MBNL2: variants seen among roughly 807,000 people sequenced by gnomAD.
MBNL2 encodes the protein muscleblind like splicing regulator 2.
A neutral mutation model predicts 41.9 loss-of-function variants in MBNL2; 17 were observed. The observed-to-expected ratio is 0.41, with a 90% CI of 0.28 to 0.61. The LOEUF (loss-of-function observed/expected upper bound fraction) is 0.61, where lower values mean the gene tolerates loss of function less well. Among genes scored for constraint, MBNL2 ranks in the 20% least tolerant of loss-of-function variants. The pLI is 0.35. For missense variants in MBNL2, 336 were observed against 505.6 expected (o/e 0.66, Z 3.22); for synonymous variants, 195 against 182.9 (o/e 1.07, Z -0.53).
At chr13:97,353,708 T>C (rs1339045112) in intron 5 of MBNL2, among the ~76,000 whole-genome samples, 3 of 152,210 alleles carry the variant, frequency 2.0e-5, no homozygotes, top group Non-Finnish European at 2.9e-5. Context: ...AGAACTTTTC[T>C]TTGGTAGTGT....
At chr13:97,182,165 G>T in the MBNL2 span, among the ~76,000 whole-genome samples, 6 of 152,310 alleles carry the variant, frequency 3.9e-5, no homozygotes, top group East Asian at 7.7e-4. Flanking sequence ...GAAGGCATAT[G>T]GATGGAACCC....
chr13:97,192,976 C>T, the MBNL2 span, among the ~76,000 whole-genome samples: 261 of 152,294 alleles, frequency 1.7e-3, no homozygotes, highest in African/African-American at 4.8e-3. Context: ...AAGAGAGACC[C>T]GGCAGCTATT....
intron 7 of MBNL2, 21 bp downstream of exon 7, chr13:97,357,656 A>G (rs755251878): frequency 6.2e-7 from 1 of 1,611,340 alleles, no homozygotes; most frequent in East Asian, 2.2e-5. Flanking sequence ...TTACTGCCCT[A>G]CGTCCTGTGC....
chr13:97,253,708 A>G (rs1414259978), intron 1 of MBNL2, among the ~76,000 whole-genome samples: 1 of 152,146 alleles, frequency 6.6e-6, no homozygotes, highest in Non-Finnish European at 1.5e-5. Context: ...TTTGTAAAAT[A>G]GCAATACACA....
chr13:97,154,845 AAG>A, the MBNL2 span, among the ~76,000 whole-genome samples: 1 of 146,086 alleles, frequency 6.8e-6, no homozygotes, highest in Non-Finnish European at 1.5e-5. Flanking sequence ...ATGGATAGAC[AAG>A]CTGATTCAAC....
intron 5 of MBNL2, among the ~76,000 whole-genome samples, chr13:97,347,574 A>C (rs1444520834): frequency 6.6e-6 from 1 of 152,196 alleles, no homozygotes; most frequent in East Asian, 1.9e-4. Flanking sequence ...TTACAAGGGC[A>C]ATGCTGGTCA....
chr13:97,144,095 C>T, the MBNL2 span, among the ~76,000 whole-genome samples: 3 of 152,184 alleles, frequency 2.0e-5, no homozygotes, highest in African/African-American at 4.8e-5. Context: ...CTGCCTTCCT[C>T]GGCCTCCCAA....
chr13:97,265,470 A>G (rs908808106), intron 1 of MBNL2, among the ~76,000 whole-genome samples: 4 of 152,302 alleles, frequency 2.6e-5, no homozygotes, highest in African/African-American at 9.6e-5. Context: ...AGAAAGAATG[A>G]AAGTTTGGAG....
Position 97,366,146 on chromosome 13 carries a change from A to G in MBNL2, c.1048+975A>G, listed in dbSNP as rs2063825364. Among the ~76,000 whole-genome samples the G allele has an allele frequency of 1.3e-5, 2 of 152,214 alleles. No individual in the cohort carries two copies. The highest frequency in any genetic ancestry group is 2.9e-5 in the Non-Finnish European group (2 of 68,026). On this transcript the variant is annotated intron_variant, in intron 8 of 8. Coordinates refer to ENST00000679496, the MANE Select transcript of MBNL2 (RefSeq NM_001382683.1). This position sits in a 1 kb window ranked among gnomAD's most constrained non-coding sequence, Gnocchi z 4.7. ...ACAACCATTATTGCATACACTGTATACACTGAATTGGGAATGGATCTATTG... is the reference window on the plus strand; with the variant it reads ...ACAACCATTATTGCATACACTGTATGCACTGAATTGGGAATGGATCTATTG...
intron 1 of MBNL2, among the ~76,000 whole-genome samples, chr13:97,230,888 G>A (rs944561951): frequency 4.6e-5 from 7 of 152,276 alleles, no homozygotes; most frequent in African/African-American, 1.4e-4. Flanking sequence ...GGGAACCTTT[G>A]TAGCTGTATC....
chr13:97,185,230 T>A, the MBNL2 span, among the ~76,000 whole-genome samples: 2 of 152,344 alleles, frequency 1.3e-5, no homozygotes, highest in East Asian at 3.9e-4. Context: ...CAAAATGTGG[T>A]GACCTGAAGT....
chr13:97,166,321 A>C, the MBNL2 span, among the ~76,000 whole-genome samples: 1 of 152,226 alleles, frequency 6.6e-6, no homozygotes, highest in East Asian at 1.9e-4. Flanking sequence ...GATCCCCTTT[A>C]TCTTTACCTT....
intron 1 of MBNL2, among the ~76,000 whole-genome samples, chr13:97,249,808 G>C (rs948727905): frequency 6.6e-6 from 1 of 152,130 alleles, no homozygotes; most frequent in African/African-American, 2.4e-5. Flanking sequence ...TTGAGTATTA[G>C]GTTTCCCCCC....
the MBNL2 span, among the ~76,000 whole-genome samples, chr13:97,142,348 C>T: frequency 6.6e-6 from 1 of 152,158 alleles, no homozygotes; most frequent in African/African-American, 2.4e-5. Context: ...ATTATTGAGA[C>T]GATAGATTCA....
chr13:97,325,945 C>T (rs1399950629), intron 2 of MBNL2, among the ~76,000 whole-genome samples: 2 of 151,534 alleles, frequency 1.3e-5, no homozygotes, highest in African/African-American at 4.9e-5. Context: ...CACAAATCTA[C>T]TCCCAAAGCA....
the MBNL2 span, among the ~76,000 whole-genome samples, chr13:97,202,396 C>T: frequency 6.6e-6 from 1 of 152,200 alleles, no homozygotes; most frequent in Non-Finnish European, 1.5e-5. Context: ...AATTTCGGAT[C>T]TGCCAATTAC....
the MBNL2 span, among the ~76,000 whole-genome samples, chr13:97,166,316 C>T: frequency 6.6e-6 from 1 of 152,138 alleles, no homozygotes; most frequent in Non-Finnish European, 1.5e-5. Flanking sequence ...TAGTGGATCC[C>T]CTTTATCTTT....
chr13:97,288,362 A>G (rs531831946), intron 2 of MBNL2, among the ~76,000 whole-genome samples: 72 of 152,342 alleles, frequency 4.7e-4, no homozygotes, highest in Admixed American at 4.6e-3. Context: ...AGAGGACCCA[A>G]GAAATTCCTT....
chr13:97,181,469 A>G, the MBNL2 span, among the ~76,000 whole-genome samples: 1 of 152,156 alleles, frequency 6.6e-6, no homozygotes, highest in African/African-American at 2.4e-5. Flanking sequence ...ACATAGGGAG[A>G]TTTAATGGAT....
Sources: allele counts gnomAD v4.1 joint callset (sites outside exome capture counted in the v4.1 genomes callset), GRCh38; gene constraint gnomAD v4.1.1; non-coding constraint Gnocchi (gnomAD v3.1); transcripts MANE v1.5; gene names NCBI Gene and HGNC (gene_info 2026-07-23, HGNC 2026-07-21).